Variants in VPS35 observed in about 807,000 individuals in gnomAD.
VPS35 encodes VPS35 retromer complex component.
In VPS35, 21 loss-of-function variants were observed where a neutral mutation model predicts 98.1. That is an observed-to-expected ratio of 0.21 (90% CI 0.15 to 0.31). The LOEUF (loss-of-function observed/expected upper bound fraction) is 0.31. VPS35 is among the 10% of genes least tolerant of loss of function. The pLI is 1.00. For synonymous variants in VPS35, 268 were observed against 318.2 expected, an observed-to-expected ratio of 0.84 and a Z score of 1.68; for missense variants, 554 against 950.8, an observed-to-expected ratio of 0.58 and a Z score of 5.49.
intron 13 of VPS35, among the ~76,000 whole-genome samples, chr16:46,667,277 A>G (rs1966003485): frequency 1.3e-5 from 2 of 152,128 alleles, no homozygotes; most frequent in African/African-American, 4.8e-5. Context: ...AAAAATGTCT[A>G]TTCAGATCCT....
intron 13 of VPS35, among the ~76,000 whole-genome samples, chr16:46,666,228 G>T (rs1308428990): frequency 6.6e-6 from 1 of 151,800 alleles, no homozygotes; most frequent in Non-Finnish European, 1.5e-5. Flanking sequence ...TGAGTAGCTA[G>T]GACTATAGGC....
rs768774857 is a variant in VPS35, at chr16:46,689,172, C to A, written c.-39G>T. ...AGCCTGCAGCAAGCAGCACCCGCCC[C>A]GCGCGTAGCCTCCCGCGGTCATGTG... On this transcript the variant is annotated 5_prime_UTR_variant, in exon 1 of 17. Coordinates refer to ENST00000299138, the MANE Select transcript of VPS35 (RefSeq NM_018206.6). The A allele has an allele frequency of 6.2e-7, 1 of 1,601,988 alleles. No homozygotes were observed. The highest frequency in any genetic ancestry group is 8.5e-7 in the Non-Finnish European group (1 of 1,175,466).
intron 1 of VPS35, chr16:46,688,867 C>A: frequency 2.8e-6 from 4 of 1,431,218 alleles, no homozygotes; most frequent in Non-Finnish European, 3.6e-6. Context: ...GACCCCAAAG[C>A]CTACATGCCA....
Position 46,679,037 on chromosome 16 carries a change from C to G in VPS35, c.626G>C (p.Arg209Thr). ...HQGHSRDREK[R>T]ERERQELRIL... ...TCTCAGTTCTTGTCTTTCTCGTTCT[C>G]TTTTTTCTCTATCTCGGCTATGTCC... Residue 209 changes from arginine to threonine, a missense_variant, in exon 6 of 17, where the codon AGA becomes ACA. Physicochemically the swap from Arg to Thr is moderately conservative, Grantham distance 71. This residue lies in a region of VPS35 where 77 missense variants were observed against 222.3 expected (regional missense o/e 0.35). Coordinates refer to ENST00000299138, the MANE Select transcript of VPS35 (RefSeq NM_018206.6). The G allele has an allele frequency of 1.9e-6, 3 of 1,614,126 alleles. No homozygotes were observed. Among genetic ancestry groups the G allele is most frequent in the Non-Finnish European group, 2.5e-6 (3 of 1,180,016 alleles).
At chr16:46,674,770 A>G in intron 8 of VPS35, 110 bp from the exon 9 acceptor site, 1 of 1,095,076 alleles carries the variant, frequency 9.1e-7, no homozygotes, top group Non-Finnish European at 1.3e-6. Context: ...TATGAGCCCA[A>G]AAGGTTTTTG....
intron 6 of VPS35, among the ~76,000 whole-genome samples, chr16:46,678,031 C>T (rs1966177275): frequency 6.6e-6 from 1 of 152,122 alleles, no homozygotes; most frequent in African/African-American, 2.4e-5. Context: ...GAAAAGGTTG[C>T]CTTTGTACTT....
rs368876504 is a variant in VPS35 at position 46,672,343 on chromosome 16, G to A, written c.1290C>T (p.Tyr430=). ...HFHPLFEYFD[Y]ESRKSMSCYV... ...AACAACTCATGCTCTTTCTGGACTC[G>A]TAGTCAAAGTACTCAAAGAGTGGGT... The change falls in exon 11 of 17, where the codon TAC becomes TAT. Residue 430 remains tyrosine, a synonymous_variant. Coordinates refer to ENST00000299138, the MANE Select transcript of VPS35 (RefSeq NM_018206.6). The A allele has an allele frequency of 4.2e-5, 68 of 1,613,690 alleles. No individual in the cohort carries two copies. The South Asian group carries it at 6.5e-4, about 15-fold the overall frequency.
In VPS35 at chr16:46,678,938, T is replaced by C; in HGVS notation, c.720+5A>G. The C allele has an allele frequency of 6.2e-7, 1 of 1,614,018 alleles. No individual in the cohort carries two copies. The highest frequency in any genetic ancestry group is 8.5e-7 in the Non-Finnish European group (1 of 1,179,928). ...CATAAGAAGAGGTAACAAAAATATA[T>C]AAACCTGTTTGTAACGTTCCACATT... is the stretch of plus-strand genomic sequence containing the variant. On this transcript the variant is annotated splice_donor_5th_base_variant and intron_variant, in intron 6 of 16. Transcript: ENST00000299138.
chr16:46,662,892 A>T, intron 14 of VPS35, 91 bp downstream of exon 14: 1 of 1,417,960 alleles, frequency 7.1e-7, no homozygotes, highest in Non-Finnish European at 9.9e-7. Context: ...GTAAAAGAAG[A>T]GTAAATTCAT....
intron 2 of VPS35, 169 bp from the exon 3 acceptor site, chr16:46,682,344 T>C: frequency 1.7e-6 from 1 of 604,332 alleles, no homozygotes; most frequent in Non-Finnish European, 3.0e-6. Context: ...CACCTTGCCG[T>C]CTCTACTGAA....
Position 46,661,576 on chromosome 16 carries a change from TTGACATC to T in VPS35, c.2211+135_2211+141del. The T allele has an allele frequency of 1.2e-6, 1 of 834,228 alleles. No homozygotes were observed. The highest frequency in any genetic ancestry group is 2.7e-5 in the East Asian group (1 of 37,080). The allele number at this position is 834,228 out of a possible 1,614,324, so 51.7% of individuals were successfully genotyped here. On this transcript the variant is annotated intron_variant, in intron 16 of 16. Coordinates refer to ENST00000299138, the MANE Select transcript of VPS35 (RefSeq NM_018206.6). The surrounding 1 kb of genome is among the most constrained non-coding windows in gnomAD (Gnocchi z 4.3). ...ACATTATGACAAATTAGCCTATTAT[TTGACATC>T]TGTAAATTATTTTACATTTTTCAAA...
rs1314711107 is a variant in VPS35, at chr16:46,679,043, T to C, written c.620A>G (p.Glu207Gly). The change falls in exon 6 of 17, where the codon GAA becomes GGA. Residue 207 changes from glutamate to glycine, a missense_variant. Glu to Gly is a moderately conservative substitution (Grantham distance 98, BLOSUM62 -2). Around this residue, in one of 5 missense-constraint regions of VPS35, gnomAD observed 77 missense variants for 222.3 expected, o/e 0.35. Coordinates refer to ENST00000299138, the MANE Select transcript of VPS35 (RefSeq NM_018206.6). The part of the protein sequence containing the change: ...MQHQGHSRDR[E>G]KRERERQELR... ...TTCTTGTCTTTCTCGTTCTCTTTTT[T>C]CTCTATCTCGGCTATGTCCCTGATG... The C allele has an allele frequency of 6.2e-7, 1 of 1,614,156 alleles. No individual in the cohort carries two copies. The highest frequency in any genetic ancestry group is 1.7e-5 in the Admixed American group (1 of 60,006).
At chr16:46,679,253 C>G in intron 5 of VPS35, 97 bp from the exon 6 acceptor site, 1 of 1,089,064 alleles carries the variant, frequency 9.2e-7, no homozygotes, top group East Asian at 2.6e-5. Context: ...CTATAGTACA[C>G]CAATGCTTTA....
At chr16:46,686,057 C>T (rs565380903) in intron 1 of VPS35, among the ~76,000 whole-genome samples, 30 of 152,130 alleles carry the variant, frequency 2.0e-4, no homozygotes, top group East Asian at 3.9e-4. Flanking sequence ...ACTCCCATTC[C>T]GAACCCCCAG....
chr16:46,688,246 T>C (rs1966355119), intron 1 of VPS35: 80 of 938,744 alleles, frequency 8.5e-5, no homozygotes, highest in Non-Finnish European at 9.9e-5. Flanking sequence ...ATACAGTATA[T>C]ACTCAAAAAA....
chr16:46,683,396 G>A, intron 2 of VPS35, 112 bp downstream of exon 2: 1 of 991,952 alleles, frequency 1.0e-6, no homozygotes, highest in East Asian at 2.6e-5. Context: ...GATAGATGCT[G>A]GTAAACGGTG....
At chr16:46,669,301 G>A (rs539412431) in intron 12 of VPS35, 8 of 510,444 alleles carry the variant, frequency 1.6e-5, no homozygotes, top group South Asian at 4.2e-5. Context: ...CCAAGGTAGC[G>A]AGTTAGAAGC....
chr16:46,665,836 G>A (rs886270904), intron 13 of VPS35, among the ~76,000 whole-genome samples: 9 of 152,106 alleles, frequency 5.9e-5, no homozygotes, highest in African/African-American at 1.9e-4. Flanking sequence ...TGTCACCCAG[G>A]CTGGAGCGCA....
rs1053821437 is a variant in VPS35, at chr16:46,657,458, G to A, written c.*3014C>T. The A allele has an allele frequency of 6.6e-6, 1 of 152,196 alleles. No individual in the cohort carries two copies. The highest frequency in any genetic ancestry group is 1.5e-5 in the Non-Finnish European group (1 of 68,058). 9.4% of individuals were successfully genotyped at this position (152,196 alleles called of 1,614,324 possible). ...TGTTTAAATCCCCTCAGTGCCTGTG[G>A]TGGTGCATTTATTCCTTGAGGTCTG... On this transcript the variant is annotated 3_prime_UTR_variant, in exon 17 of 17. Transcript: ENST00000299138.
Sources: allele counts gnomAD v4.1 joint callset (sites outside exome capture counted in the v4.1 genomes callset), GRCh38; gene constraint gnomAD v4.1.1; regional missense constraint gnomAD v4.1.1; non-coding constraint Gnocchi (gnomAD v3.1); transcripts MANE v1.5; gene names NCBI Gene and HGNC (gene_info 2026-07-23, HGNC 2026-07-21).